Variants in MAGI2 observed in about 807,000 individuals in gnomAD.
MAGI2 encodes membrane associated guanylate kinase, WW and PDZ domain containing 2.
A neutral mutation model predicts 133.3 loss-of-function variants in MAGI2; 35 were observed. The observed-to-expected ratio is 0.26, with a 90% confidence interval of 0.20 to 0.35. The LOEUF is 0.35. Among genes scored for constraint, MAGI2 ranks in the 10% least tolerant of loss-of-function variants. MAGI2 has a pLI of 1.00. For missense variants in MAGI2, 1,636 were observed against 1,863.4 expected, an observed-to-expected ratio of 0.88 and a Z score of 2.25; for synonymous variants, 729 against 710.6, an observed-to-expected ratio of 1.03 and a Z score of -0.41.
intron 9 of MAGI2, among the ~76,000 whole-genome samples, chr7:78,329,793 G>A (rs1048990323): frequency 1.3e-5 from 2 of 152,102 alleles, no homozygotes; most frequent in African/African-American, 4.8e-5. Flanking sequence ...AGCATCCTAC[G>A]GCATACTTAC....
At chr7:78,575,592 T>C (rs974853707) in intron 3 of MAGI2, among the ~76,000 whole-genome samples, 1 of 152,180 alleles carries the variant, frequency 6.6e-6, no homozygotes, top group African/African-American at 2.4e-5. Flanking sequence ...ATGATGAAGC[T>C]TAATATCGAT....
At chr7:78,774,184 A>AC (rs1163793608) in intron 2 of MAGI2, among the ~76,000 whole-genome samples, 1 of 152,222 alleles carries the variant, frequency 6.6e-6, no homozygotes, top group African/African-American at 2.4e-5. Flanking sequence ...GGGGATAGAA[A>AC]CCGGAAACAT....
chr7:79,084,418 G>A (rs1186375354), intron 1 of MAGI2, among the ~76,000 whole-genome samples: 1 of 151,458 alleles, frequency 6.6e-6, no homozygotes, highest in East Asian at 1.9e-4. Flanking sequence ...TAATTGTTTA[G>A]GTTTGTGTTG....
chr7:78,468,474 T>C (rs546089101), intron 6 of MAGI2, among the ~76,000 whole-genome samples: 2 of 152,260 alleles, frequency 1.3e-5, no homozygotes, highest in African/African-American at 4.8e-5. Flanking sequence ...TATATATGTA[T>C]ATAAAGTCTT....
intron 21 of MAGI2, among the ~76,000 whole-genome samples, chr7:78,043,543 C>T (rs10486839): frequency 0.067 from 10,155 of 152,266 alleles, 346 homozygotes; most frequent in South Asian, 0.078. Context: ...CTTGAAATAA[C>T]TGACAAAGCT....
chr7:78,464,361 C>T (rs2151520051), intron 6 of MAGI2, among the ~76,000 whole-genome samples: 1 of 152,224 alleles, frequency 6.6e-6, no homozygotes, highest in Non-Finnish European at 1.5e-5. Flanking sequence ...TCATGCCTTA[C>T]CTGACTTCAC....
intron 1 of MAGI2, among the ~76,000 whole-genome samples, chr7:79,091,935 A>G (rs1201710169): frequency 3.3e-5 from 5 of 151,992 alleles, no homozygotes; most frequent in African/African-American, 7.2e-5. Context: ...AGAAGGCCAT[A>G]TTTGACTCAT....
chr7:79,392,106 G>C (rs1585814917), intron 1 of MAGI2, among the ~76,000 whole-genome samples: 1 of 152,052 alleles, frequency 6.6e-6, no homozygotes, highest in East Asian at 1.9e-4. Context: ...AGAACATCTG[G>C]TGTTTGGCTC....
rs189800965 is a variant in MAGI2, at chr7:78,136,640, C to G, written c.2846-1434G>C. 1.6e-3 allele frequency among the ~76,000 whole-genome samples: 241 copies of G among 152,310 alleles called. 1 individual carries two copies. The highest frequency in any genetic ancestry group is 0.014 in the South Asian group (66 of 4,820). On this transcript the variant is annotated intron_variant, in intron 16 of 21. Transcript: ENST00000354212. ...CATTCTCCCTTCAAGACTGTGAGCC[C>G]CAGCTCAGAAACCTGTCAATAACTC...
At chr7:79,318,664 G>T (rs1563110571) in intron 1 of MAGI2, among the ~76,000 whole-genome samples, 2 of 152,122 alleles carry the variant, frequency 1.3e-5, no homozygotes, top group Non-Finnish European at 2.9e-5. Flanking sequence ...AGTATTTATG[G>T]ATTCTCTTGT....
chr7:79,307,154 C>T (rs1454433783), intron 1 of MAGI2, among the ~76,000 whole-genome samples: 1 of 152,086 alleles, frequency 6.6e-6, no homozygotes, highest in Non-Finnish European at 1.5e-5. Context: ...ACAAAATGGA[C>T]AGTTACTGAG....
intron 2 of MAGI2, among the ~76,000 whole-genome samples, chr7:78,974,355 CT>C (rs1804050895): frequency 6.6e-6 from 1 of 151,822 alleles, no homozygotes; most frequent in African/African-American, 2.4e-5. Context: ...TAATGTCTGA[CT>C]TCTTGGACCT....
At chr7:79,236,861 C>T (rs1255968282) in intron 1 of MAGI2, among the ~76,000 whole-genome samples, 3 of 152,104 alleles carry the variant, frequency 2.0e-5, no homozygotes, top group African/African-American at 7.2e-5. Context: ...GGCAAGTAAA[C>T]AAGACTCCAT....
At chr7:79,408,222 AAT>A (rs1379352539) in intron 1 of MAGI2, among the ~76,000 whole-genome samples, 1 of 152,094 alleles carries the variant, frequency 6.6e-6, no homozygotes, top group Admixed American at 6.6e-5. Flanking sequence ...TTTTTTTCAT[AAT>A]ATGTTTTCTA....
rs144544878 is a variant in MAGI2, at chr7:79,211,879, T to C, written c.302-204673A>G. ...GAGTGATATGCCCTTTTGAGCATGATGAGTTTAAGCCAGCTACTTGGTCAT... is the reference window on the plus strand; with the variant it reads ...GAGTGATATGCCCTTTTGAGCATGACGAGTTTAAGCCAGCTACTTGGTCAT... On this transcript the variant is annotated intron_variant, in intron 1 of 21. Transcript: ENST00000354212. 9.5e-4 allele frequency among the ~76,000 whole-genome samples: 144 copies of C among 152,130 alleles called. 4 individuals carry two copies. Among genetic ancestry groups the C allele is most frequent in the African/African-American group, 3.4e-3 (139 of 41,418 alleles).
At chr7:78,689,915 T>TG (rs2151118850) in intron 2 of MAGI2, among the ~76,000 whole-genome samples, 1 of 152,196 alleles carries the variant, frequency 6.6e-6, no homozygotes, top group African/African-American at 2.4e-5. Context: ...GTATTTCTTT[T>TG]GGTTAAACCA....
chr7:78,921,437 CAG>C (rs750059307), intron 2 of MAGI2, among the ~76,000 whole-genome samples: 2 of 152,130 alleles, frequency 1.3e-5, no homozygotes, highest in Non-Finnish European at 2.9e-5. Context: ...GGTGGAACCA[CAG>C]AGTCTGCACT....
intron 1 of MAGI2, among the ~76,000 whole-genome samples, chr7:79,300,160 G>A (rs1290735456): frequency 1.3e-5 from 2 of 152,204 alleles, no homozygotes; most frequent in Non-Finnish European, 2.9e-5. Flanking sequence ...AAATGTGGAT[G>A]TGACTTTGGA....
intron 16 of MAGI2, among the ~76,000 whole-genome samples, chr7:78,154,226 G>A (rs187984105): frequency 6.6e-6 from 1 of 152,278 alleles, no homozygotes; most frequent in African/African-American, 2.4e-5. Flanking sequence ...AACTCACCAG[G>A]GTGCTTTATC....
Sources: allele counts gnomAD v4.1 joint callset (sites outside exome capture counted in the v4.1 genomes callset), GRCh38; gene constraint gnomAD v4.1.1; transcripts MANE v1.5; gene names NCBI Gene and HGNC (gene_info 2026-07-23, HGNC 2026-07-21).